Variants in AEBP2 observed in about 807,000 individuals in gnomAD.
The protein encoded by AEBP2 is AE binding protein 2.
A neutral mutation model predicts 50.8 loss-of-function variants in AEBP2; 10 were observed. The observed-to-expected ratio is 0.20, with a 90% CI of 0.12 to 0.33. AEBP2 has a LOEUF of 0.33. Ranked by LOEUF, AEBP2 falls within the 10% of genes least tolerant of loss-of-function variation. AEBP2 has a pLI of 1.00. For missense variants in AEBP2, 570 were observed against 688.0 expected (o/e 0.83, Z 1.92); for synonymous variants, 296 against 261.3 (o/e 1.13, Z -1.28).
intron 5 of AEBP2, among the ~76,000 whole-genome samples, chr12:19,504,795 A>G (rs11044625): frequency 0.49 from 74,857 of 152,032 alleles, 19,822 homozygotes; most frequent in Non-Finnish European, 0.61. Context: ...AAAAAAGGCA[A>G]GATAGAAAAT....
intron 2 of AEBP2, among the ~76,000 whole-genome samples, chr12:19,470,607 T>C (rs1245716906): frequency 6.6e-6 from 1 of 152,216 alleles, no homozygotes; most frequent in African/African-American, 2.4e-5. Flanking sequence ...ATCGTGTTAC[T>C]AGACATTATT....
intron 3 of AEBP2, among the ~76,000 whole-genome samples, chr12:19,484,371 T>A (rs1948775932): frequency 6.6e-6 from 1 of 150,918 alleles, no homozygotes; most frequent in Non-Finnish European, 1.5e-5. Flanking sequence ...AAGTTACATC[T>A]TAATAGTTTA....
chr12:19,454,430 T>C (rs1948228034), intron 1 of AEBP2, among the ~76,000 whole-genome samples: 1 of 152,122 alleles, frequency 6.6e-6, no homozygotes, highest in Non-Finnish European at 1.5e-5. Flanking sequence ...GAAAGGTCTT[T>C]AATTGGTTAA....
chr12:19,443,580 A>G (rs2153366588), intron 1 of AEBP2, among the ~76,000 whole-genome samples: 1 of 152,032 alleles, frequency 6.6e-6, no homozygotes, highest in South Asian at 2.1e-4. Context: ...AAAATGAGCC[A>G]GGCATGGTGG....
chr12:19,410,344 C>T (rs1463109880), intron 1 of AEBP2, among the ~76,000 whole-genome samples: 2 of 152,174 alleles, frequency 1.3e-5, no homozygotes, highest in Non-Finnish European at 2.9e-5. Flanking sequence ...TCAAGGGAAG[C>T]TGGAGTAAAC....
chr12:19,424,638 C>T (rs981227710), intron 1 of AEBP2, among the ~76,000 whole-genome samples: 3 of 151,690 alleles, frequency 2.0e-5, no homozygotes, highest in Middle Eastern at 3.4e-3. Flanking sequence ...CCTCATGATC[C>T]GCCCGCCTCA....
rs1402538306 is a variant in AEBP2 at position 19,520,337 on chromosome 12, A to G, written c.*2220A>G. On this transcript the variant is annotated 3_prime_UTR_variant, in exon 8 of 8. Transcript: ENST00000266508. Reference sequence around the variant, plus strand: ...ATAAGTTTTTTCATTGTGTAGAAATACTTAGATGTCAAAACCAGATTTCGT... The same window carrying G: ...ATAAGTTTTTTCATTGTGTAGAAATGCTTAGATGTCAAAACCAGATTTCGT... The G allele has an allele frequency of 6.6e-6, 1 of 152,228 alleles. No individual in the cohort carries two copies. Among genetic ancestry groups the G allele is most frequent in the Non-Finnish European group, 1.5e-5 (1 of 68,028 alleles). 9.4% of individuals were successfully genotyped at this position (152,228 alleles called of 1,614,324 possible). A position where few individuals can be genotyped will look rare whatever the true frequency, so the allele number is the denominator to read the frequency against.
intron 1 of AEBP2, among the ~76,000 whole-genome samples, chr12:19,454,584 A>G (rs1948231561): frequency 6.6e-6 from 1 of 152,204 alleles, no homozygotes; most frequent in Admixed American, 6.5e-5. Context: ...AAATTCGTAG[A>G]TTTTAGTTTT....
chr12:19,493,771 G>T, intron 3 of AEBP2, 29 bp from the exon 4 acceptor site: 1 of 1,605,532 alleles, frequency 6.2e-7, no homozygotes, highest in South Asian at 1.1e-5. Flanking sequence ...CAGCATGCCT[G>T]ACGTTATTTC....
At chr12:19,412,137 A>G (rs2153363354) in intron 1 of AEBP2, among the ~76,000 whole-genome samples, 1 of 152,350 alleles carries the variant, frequency 6.6e-6, no homozygotes, top group South Asian at 2.1e-4. Flanking sequence ...GCCTTTTCCA[A>G]GTCACACAGA....
chr12:19,478,677 T>G (rs544599488), intron 3 of AEBP2, among the ~76,000 whole-genome samples: 1 of 152,312 alleles, frequency 6.6e-6, no homozygotes, highest in Non-Finnish European at 1.5e-5. Flanking sequence ...GTGACACTAT[T>G]ATTGTTCAAA....
chr12:19,454,025 G>A (rs1051965152), intron 1 of AEBP2, among the ~76,000 whole-genome samples: 2 of 152,150 alleles, frequency 1.3e-5, no homozygotes, highest in Admixed American at 6.5e-5. Context: ...TGGAGATATG[G>A]ACAGTCTCCA....
At chr12:19,434,175 AT>A (rs1325645174) in intron 1 of AEBP2, among the ~76,000 whole-genome samples, 3,950 of 137,340 alleles carry the variant, frequency 0.029, 50 homozygotes, top group Middle Eastern at 0.044. Flanking sequence ...TAGATTAGTA[AT>A]TTTTTTTTTT....
chr12:19,493,199 C>T (rs1377911940), intron 3 of AEBP2, among the ~76,000 whole-genome samples: 1 of 152,050 alleles, frequency 6.6e-6, no homozygotes, highest in Non-Finnish European at 1.5e-5. Flanking sequence ...GCCAGGAGTT[C>T]GAGACCAGCC....
chr12:19,489,109 G>T (rs756946622), intron 3 of AEBP2, among the ~76,000 whole-genome samples: 9 of 152,084 alleles, frequency 5.9e-5, no homozygotes, highest in Non-Finnish European at 1.5e-5. Context: ...AATATATAGG[G>T]TATTTCAGTG....
At chr12:19,458,144 A>G (rs557565905) in intron 1 of AEBP2, among the ~76,000 whole-genome samples, 1 of 152,208 alleles carries the variant, frequency 6.6e-6, no homozygotes, top group Non-Finnish European at 1.5e-5. Context: ...TTTCTGTGAA[A>G]TTGCTATCTA....
chr12:19,421,086 T>C (rs1379889678), intron 1 of AEBP2, among the ~76,000 whole-genome samples: 1 of 152,142 alleles, frequency 6.6e-6, no homozygotes, highest in Non-Finnish European at 1.5e-5. Context: ...GACTCACACC[T>C]GTAATCCAAG....
At chr12:19,477,224 T>C (rs1221964186) in intron 3 of AEBP2, among the ~76,000 whole-genome samples, 1 of 152,190 alleles carries the variant, frequency 6.6e-6, no homozygotes, top group Non-Finnish European at 1.5e-5. Context: ...TAGGGTTTCC[T>C]AGGTATATGA....
intron 4 of AEBP2, among the ~76,000 whole-genome samples, chr12:19,496,446 T>TA (rs1218793393): frequency 1.3e-5 from 2 of 152,188 alleles, no homozygotes; most frequent in Non-Finnish European, 2.9e-5. Flanking sequence ...GAGCCATTGT[T>TA]AAGACAGTGC....
Sources: allele counts gnomAD v4.1 joint callset (sites outside exome capture counted in the v4.1 genomes callset), GRCh38; gene constraint gnomAD v4.1.1; transcripts MANE v1.5; gene names NCBI Gene and HGNC (gene_info 2026-07-23, HGNC 2026-07-21).